DST: variants seen among roughly 807,000 people sequenced by gnomAD.
The protein encoded by DST is dystonin.
A neutral mutation model predicts 875.2 loss-of-function variants in DST; 253 were observed. The observed-to-expected ratio is 0.29, with a 90% CI of 0.26 to 0.32. The LOEUF (loss-of-function observed/expected upper bound fraction) is 0.32, where lower values mean the gene tolerates loss of function less well. Ranked by LOEUF, DST falls within the 10% of genes least tolerant of loss-of-function variation. The pLI is 1.00. For synonymous variants in DST, 3,124 were observed against 3,197.1 expected (o/e 0.98, Z 0.77); for missense variants, 8,287 against 9,111.6 (o/e 0.91, Z 3.68).
intron 72 of DST, 60 bp from the exon 73 acceptor site, chr6:56,511,460 C>T (rs2096473925): frequency 1.4e-6 from 2 of 1,413,506 alleles, no homozygotes; most frequent in Admixed American, 2.0e-5. Context: ...TTACAGCTGT[C>T]TACACCTGCA....
chr6:56,802,069 A>G lies in DST; in HGVS notation c.625+49328T>C, dbSNP rs554228113. On this transcript the variant is annotated intron_variant, in intron 4 of 103. Transcript: ENST00000680361. ...CCAGCCGTCCACATAATAATTATTAAGAGAGAAACTAAAGCCAATTTCTAA... is the reference window on the plus strand; with the variant it reads ...CCAGCCGTCCACATAATAATTATTAGGAGAGAAACTAAAGCCAATTTCTAA... Among the ~76,000 whole-genome samples, 4 of 152,286 alleles carry G rather than the reference A, an allele frequency of 2.6e-5. No homozygotes were observed. In the East Asian group the frequency reaches 5.8e-4, roughly 22 times the overall value.
chr6:56,926,145 A>G (rs1806968438), intron 2 of DST, among the ~76,000 whole-genome samples: 1 of 152,110 alleles, frequency 6.6e-6, no homozygotes, highest in East Asian at 1.9e-4. Context: ...TTTAAAAAAA[A>G]AACCTTTTTA....
At chr6:56,822,579 A>G (rs1458650845) in intron 4 of DST, among the ~76,000 whole-genome samples, 1 of 152,202 alleles carries the variant, frequency 6.6e-6, no homozygotes, top group Non-Finnish European at 1.5e-5. Context: ...AGGAGTAGGC[A>G]GAATCAAGAG....
intron 4 of DST, among the ~76,000 whole-genome samples, chr6:56,764,463 T>TA (rs2099627558): frequency 6.6e-6 from 1 of 152,190 alleles, no homozygotes; most frequent in Non-Finnish European, 1.5e-5. Flanking sequence ...TGGGATCCCC[T>TA]GGCTGCAGGT....
chr6:56,768,817 T>A lies in DST; in HGVS notation c.626-33528A>T, dbSNP rs547437589. ...TGGGCACGGTGGCTCACACCTGTAATCCCAGCACTCTGGGAGGTCAAGGCA... is the reference window on the plus strand; with the variant it reads ...TGGGCACGGTGGCTCACACCTGTAAACCCAGCACTCTGGGAGGTCAAGGCA... On this transcript the variant is annotated intron_variant, in intron 4 of 103. Transcript: ENST00000680361. 5.9e-5 allele frequency among the ~76,000 whole-genome samples: 9 copies of A among 152,234 alleles called. No homozygotes were observed. In the East Asian group the frequency reaches 1.5e-3, roughly 26 times the overall value.
At chr6:56,679,107 A>G (rs753891451) in intron 9 of DST, among the ~76,000 whole-genome samples, 11 of 149,700 alleles carry the variant, frequency 7.3e-5, no homozygotes, top group Admixed American at 7.2e-4. Context: ...GGTTGAAGAA[A>G]ATTATTTTTC....
chr6:56,779,018 T>A (rs916713379), intron 4 of DST, among the ~76,000 whole-genome samples: 2 of 152,116 alleles, frequency 1.3e-5, no homozygotes, highest in African/African-American at 2.4e-5. Flanking sequence ...AAAGTGTTCC[T>A]ATTTCTCCAC....
At chr6:56,672,158 C>T (rs141306478) in intron 9 of DST, among the ~76,000 whole-genome samples, 1 of 152,176 alleles carries the variant, frequency 6.6e-6, no homozygotes. Context: ...TGCCACAGAG[C>T]CAGAGGCACA....
chr6:56,839,202 TATAA>T (rs1476328603), intron 4 of DST, among the ~76,000 whole-genome samples: 1 of 152,162 alleles, frequency 6.6e-6, no homozygotes, highest in East Asian at 1.9e-4. Context: ...CAAGATACAC[TATAA>T]ATAGCCACAC....
rs114094997 is a variant in DST at position 56,471,122 on chromosome 6, A to T, written c.22305T>A (p.Asp7435Glu). The change falls in exon 95 of 104, where the codon GAT becomes GAA. Residue 7435 changes from aspartate (D) to glutamate (E), a missense_variant. Coordinates refer to ENST00000680361, the MANE Select transcript of DST (RefSeq NM_001374736.1). ...GGAACTTACTTGAGGAAAGAATTCC[A>T]TCAATAAATTCCTGCCGCGTTATTT... ...DGKITRQEFI[D>E]GILSSKFPTS... 6.2e-7 allele frequency: 1 copy of T among 1,611,738 alleles called. No homozygotes were observed. The highest frequency in any genetic ancestry group is 2.2e-5 in the East Asian group (1 of 44,828).
chr6:56,583,216 T>C (rs1215178865), intron 49 of DST, among the ~76,000 whole-genome samples: 2 of 152,338 alleles, frequency 1.3e-5, no homozygotes, highest in Non-Finnish European at 2.9e-5. Flanking sequence ...CCACCAACAG[T>C]GTAAAAGTGT....
At chr6:56,818,989 C>G (rs1056728393) in intron 4 of DST, among the ~76,000 whole-genome samples, 3 of 152,112 alleles carry the variant, frequency 2.0e-5, no homozygotes, top group African/African-American at 7.2e-5. Flanking sequence ...ATTTTTCCCA[C>G]CTTTACCCTT....
intron 2 of DST, among the ~76,000 whole-genome samples, chr6:56,946,707 C>T (rs889644684): frequency 2.6e-5 from 4 of 152,220 alleles, no homozygotes; most frequent in African/African-American, 9.6e-5. Flanking sequence ...GTTTAAGGAG[C>T]TATTACTTGA....
intron 4 of DST, among the ~76,000 whole-genome samples, chr6:56,739,948 G>A (rs565166491): frequency 1.3e-4 from 20 of 152,180 alleles, no homozygotes; most frequent in Non-Finnish European, 2.1e-4. Flanking sequence ...TACAACCTCC[G>A]CCTCCCAGGT....
rs78633225 is a variant in DST at position 56,900,544 on chromosome 6, G to A, written c.294C>T (p.Pro98=). 3.8e-3 allele frequency: 5,156 copies of A among 1,367,594 alleles called. 164 individuals are homozygous for A. The African/African-American group carries it at 0.066, about 18-fold the overall frequency. 84.7% of individuals were successfully genotyped at this position (1,367,594 alleles called of 1,614,324 possible). A position where few individuals can be genotyped will look rare whatever the true frequency, so the allele number is the denominator to read the frequency against. ...CACTCTGATGGTGAACTTCCACCAC[G>A]GGCTTCACTTCTTCCAGACGGGCAG... ...AAAARLEEVK[P]VVEVHHQSEQ... The change falls in exon 3 of 104, where the codon CCC becomes CCT. Residue 98 remains proline (P), a synonymous_variant. Coordinates refer to ENST00000680361, the MANE Select transcript of DST (RefSeq NM_001374736.1).
In DST at chr6:56,875,350, A is replaced by G. The variant is rs76378735; in HGVS notation, c.418-23746T>C. ...TCTTTTACAGGTCTCATCACATTAG[A>G]CATATACTCAGACACATTCAATACA... On this transcript the variant is annotated intron_variant, in intron 3 of 103. Transcript: ENST00000680361. 9.2e-3 allele frequency among the ~76,000 whole-genome samples: 1,396 copies of G among 152,300 alleles called. 23 individuals are homozygous for G. The highest frequency in any genetic ancestry group is 0.031 in the African/African-American group (1,307 of 41,558).
chr6:56,739,710 C>T (rs1049340627), intron 4 of DST, among the ~76,000 whole-genome samples: 1 of 152,148 alleles, frequency 6.6e-6, no homozygotes, highest in African/African-American at 2.4e-5. Context: ...AAAATGGCAA[C>T]GAGAGTGACC....
At chr6:56,951,371 G>A (rs911311164) in intron 2 of DST, among the ~76,000 whole-genome samples, 2 of 152,212 alleles carry the variant, frequency 1.3e-5, no homozygotes, top group African/African-American at 4.8e-5. Flanking sequence ...ACTATGATTT[G>A]TCAGAAATCA....
intron 69 of DST, among the ~76,000 whole-genome samples, chr6:56,519,479 G>A (rs554552941): frequency 6.6e-6 from 1 of 152,158 alleles, no homozygotes; most frequent in Non-Finnish European, 1.5e-5. Flanking sequence ...CCTGTCAGTT[G>A]AGACCATGTG....
Sources: gnomAD v4.1 joint callset for allele counts (sites outside exome capture counted in the v4.1 genomes callset) on GRCh38, gnomAD v4.1.1 for gene constraint, MANE v1.5 for transcripts, NCBI Gene and HGNC (gene_info 2026-07-23, HGNC 2026-07-21) for gene names.